PDE4D: variants seen among roughly 807,000 people sequenced by gnomAD.
PDE4D encodes the protein phosphodiesterase 4D.
Under a neutral mutation model 87.4 loss-of-function variants are expected in PDE4D, and 24 were observed. That is an observed-to-expected ratio of 0.27 (90% CI 0.20 to 0.39). The LOEUF is 0.39. Ranked by LOEUF, PDE4D falls within the 10% of genes least tolerant of loss-of-function variation. The pLI is 1.00. For missense variants in PDE4D, 714 were observed against 1,041.0 expected, an observed-to-expected ratio of 0.69 and a Z score of 4.32; for synonymous variants, 384 against 383.2, an observed-to-expected ratio of 1.00 and a Z score of -0.02.
chr5:59,681,425 G>GAT (rs2150364110), intron 1 of PDE4D, among the ~76,000 whole-genome samples: 1 of 152,234 alleles, frequency 6.6e-6, no homozygotes, highest in African/African-American at 2.4e-5. Flanking sequence ...GAAATTACAA[G>GAT]ATTTCCCCTT....
chr5:59,826,218 A>G (rs1239774341), intron 1 of PDE4D, among the ~76,000 whole-genome samples: 1 of 152,180 alleles, frequency 6.6e-6, no homozygotes, highest in African/African-American at 2.4e-5. Context: ...TCACCTCTAT[A>G]TCCCTAGCCA....
chr5:60,009,360 C>T (rs1042080404), intron 2 of PDE4D, among the ~76,000 whole-genome samples: 1 of 151,936 alleles, frequency 6.6e-6, no homozygotes, highest in Non-Finnish European at 1.5e-5. Flanking sequence ...CATTGAAGAA[C>T]TTTTCCTAAG....
chr5:59,065,033 C>T (rs762790940), intron 5 of PDE4D, among the ~76,000 whole-genome samples: 6 of 147,674 alleles, frequency 4.1e-5, no homozygotes, highest in Non-Finnish European at 7.4e-5. Flanking sequence ...TGTCCATCAA[C>T]AGATGAATGG....
At chr5:59,050,198 C>T (rs913100284) in intron 5 of PDE4D, among the ~76,000 whole-genome samples, 7 of 152,006 alleles carry the variant, frequency 4.6e-5, no homozygotes, top group South Asian at 2.1e-4. Context: ...ACCCGGGAGG[C>T]GGAGGTTACA....
chr5:59,864,822 G>C (rs1489218700), intron 1 of PDE4D, among the ~76,000 whole-genome samples: 4 of 152,084 alleles, frequency 2.6e-5, no homozygotes, highest in African/African-American at 9.7e-5. Flanking sequence ...GAAAGACATG[G>C]GGCTACAGAG....
chr5:60,498,768 C>T (rs572257144), intron 1 of PDE4D, among the ~76,000 whole-genome samples: 1 of 152,234 alleles, frequency 6.6e-6, no homozygotes, highest in Non-Finnish European at 1.5e-5. Flanking sequence ...CAATTCCAGG[C>T]TCTGAGCTAA....
intron 1 of PDE4D, among the ~76,000 whole-genome samples, chr5:59,453,252 C>G (rs1240982264): frequency 2.6e-5 from 4 of 152,188 alleles, no homozygotes; most frequent in Non-Finnish European, 5.9e-5. Flanking sequence ...CCCTATCTCT[C>G]TCTTTCTCCT....
chr5:59,010,523 TA>T (rs1373137343), intron 6 of PDE4D, among the ~76,000 whole-genome samples: 2 of 147,130 alleles, frequency 1.4e-5, no homozygotes, highest in Non-Finnish European at 3.1e-5. Flanking sequence ...GATTTTTAAA[TA>T]AATCAAACTC....
intron 1 of PDE4D, chr5:60,262,552 C>T (rs1749760848): frequency 6.6e-6 from 1 of 152,118 alleles, no homozygotes; most frequent in Non-Finnish European, 1.5e-5. Flanking sequence ...CACAGAAAGC[C>T]TCTCTTTATT....
In PDE4D at chr5:59,723,475, T is replaced by C. The variant is rs141421680; in HGVS notation, c.455+169693A>G. On this transcript the variant is annotated intron_variant, in intron 1 of 14. Transcript: ENST00000340635. Reference sequence around the variant, plus strand: ...CGGACTATTGTTATATTTCTGGGATTTGGATAATTTTTACTAATGTGGATA... The same window carrying C: ...CGGACTATTGTTATATTTCTGGGATCTGGATAATTTTTACTAATGTGGATA... 1.1e-4 allele frequency among the ~76,000 whole-genome samples: 17 copies of C among 152,232 alleles called. No homozygotes were observed. In the East Asian group the frequency reaches 3.1e-3, roughly 28 times the overall value.
At chr5:60,394,073 G>T (rs1312488968) in intron 1 of PDE4D, among the ~76,000 whole-genome samples, 1 of 152,156 alleles carries the variant, frequency 6.6e-6, no homozygotes, top group East Asian at 1.9e-4. Flanking sequence ...ATATGTTTCA[G>T]TCATCTGGAT....
At chr5:60,242,685 G>A (rs1747264654) in intron 1 of PDE4D, among the ~76,000 whole-genome samples, 5 of 152,008 alleles carry the variant, frequency 3.3e-5, no homozygotes, top group Admixed American at 3.3e-4. Context: ...AGGAATTTTG[G>A]AAACTAAACA....
At chr5:59,312,066 G>A (rs1467579083) in intron 1 of PDE4D, among the ~76,000 whole-genome samples, 2 of 152,106 alleles carry the variant, frequency 1.3e-5, no homozygotes, top group Non-Finnish European at 2.9e-5. Context: ...CTTTGGAATT[G>A]GCCCCACTTT....
At chr5:59,042,007 A>G (rs1759768951) in intron 5 of PDE4D, among the ~76,000 whole-genome samples, 1 of 152,216 alleles carries the variant, frequency 6.6e-6, no homozygotes, top group African/African-American at 2.4e-5. Context: ...ACAGGATTTG[A>G]GTATGATGAT....
At chr5:59,518,942 C>T (rs1811682777) in intron 1 of PDE4D, among the ~76,000 whole-genome samples, 1 of 152,142 alleles carries the variant, frequency 6.6e-6, no homozygotes. Context: ...ATAATGTTGC[C>T]TTCGAAAGGC....
chr5:60,362,815 T>A (rs1252193570), intron 1 of PDE4D, among the ~76,000 whole-genome samples: 1 of 150,434 alleles, frequency 6.6e-6, no homozygotes, highest in Admixed American at 6.7e-5. Flanking sequence ...GCTGAGATCA[T>A]GCCACTGCAC....
At chr5:60,048,350 A>G in intron 2 of PDE4D, among the ~76,000 whole-genome samples, 1 of 152,104 alleles carries the variant, frequency 6.6e-6, no homozygotes, top group East Asian at 1.9e-4. Context: ...TAATTGGAGC[A>G]TTTAGTCCAT....
intron 3 of PDE4D, among the ~76,000 whole-genome samples, chr5:59,930,760 TA>T (rs1020087770): frequency 2.6e-5 from 4 of 152,202 alleles, no homozygotes; most frequent in African/African-American, 9.7e-5. Context: ...ACTGTCTTTT[TA>T]AAGAGAAGCA....
chr5:60,309,398 CTA>C (rs1754799982), intron 1 of PDE4D, among the ~76,000 whole-genome samples: 1 of 152,082 alleles, frequency 6.6e-6, no homozygotes, highest in Non-Finnish European at 1.5e-5. Flanking sequence ...ACTGGACAAA[CTA>C]AAACTATGGA....
Sources: allele counts gnomAD v4.1 joint callset (sites outside exome capture counted in the v4.1 genomes callset), GRCh38; gene constraint gnomAD v4.1.1; transcripts MANE v1.5; gene names NCBI Gene and HGNC (gene_info 2026-07-23, HGNC 2026-07-21).